The following SCEL variants were observed in gnomAD, a reference collection of about 807,000 sequenced individuals.
The protein encoded by SCEL is sciellin.
SCEL carries 113 observed loss-of-function variants against 117.6 expected under a neutral mutation model. That is an observed-to-expected ratio of 0.96 (90% CI 0.83 to 1.12). SCEL has a LOEUF of 1.12. SCEL is among the 50% of genes most tolerant of loss of function. SCEL has a pLI of 0.00. For synonymous variants in SCEL, 270 were observed against 256.2 expected (o/e 1.05, Z -0.51); for missense variants, 785 against 810.8 (o/e 0.97, Z 0.39).
intron 1 of SCEL, among the ~76,000 whole-genome samples, chr13:77,550,876 C>A (rs572940890): frequency 6.6e-6 from 1 of 152,190 alleles, no homozygotes; most frequent in Non-Finnish European, 1.5e-5. Flanking sequence ...TTGGGGAATA[C>A]ACAGAGAAGG....
intron 8 of SCEL, among the ~76,000 whole-genome samples, chr13:77,570,915 C>T (rs2085565334): frequency 6.6e-6 from 1 of 151,812 alleles, no homozygotes. Context: ...TCACTGCAAC[C>T]TCTGCCTCCC....
chr13:77,612,619 C>T (rs1387682290), intron 22 of SCEL, among the ~76,000 whole-genome samples: 1 of 151,356 alleles, frequency 6.6e-6, no homozygotes, highest in Non-Finnish European at 1.5e-5. Context: ...TTCTGCCACA[C>T]AGATAAAGTA....
At chr13:77,558,808 ACT>A (rs1412258235) in intron 3 of SCEL, among the ~76,000 whole-genome samples, 1 of 120,312 alleles carries the variant, frequency 8.3e-6, no homozygotes, top group Non-Finnish European at 1.7e-5. Flanking sequence ...ACAGAGCAAG[ACT>A]CTGTCTTACA....
At chr13:77,588,958 T>C (rs2086714575) in intron 9 of SCEL, among the ~76,000 whole-genome samples, 186 bp from the exon 10 acceptor site, 1 of 152,212 alleles carries the variant, frequency 6.6e-6, no homozygotes, top group Admixed American at 6.5e-5. Flanking sequence ...AAAATACACA[T>C]ATTTTCAATA....
At chr13:77,604,271 C>A in intron 18 of SCEL, 85 bp from the exon 19 acceptor site, 2 of 783,776 alleles carry the variant, frequency 2.6e-6, no homozygotes, top group South Asian at 2.0e-5. Context: ...GTATATTTAC[C>A]ACTTCTTAAT....
chr13:77,608,018 G>A lies in SCEL; in HGVS notation c.1158-38G>A, dbSNP rs367868370. 39 of 1,487,876 alleles carry A rather than the reference G, an allele frequency of 2.6e-5. No individual in the cohort carries two copies. The African/African-American group carries it at 3.3e-4, about 13-fold the overall frequency. 92.2% of individuals were successfully genotyped at this position (1,487,876 alleles called of 1,614,324 possible). On this transcript the variant is annotated intron_variant, in intron 19 of 32. Coordinates refer to ENST00000349847, the MANE Select transcript of SCEL (RefSeq NM_144777.3). ...CTTGTTGTCAGTCTACCATTGTTACGTGTTGTCAATCTTAACCATTTCTTC... is the reference window on the plus strand; with the variant it reads ...CTTGTTGTCAGTCTACCATTGTTACATGTTGTCAATCTTAACCATTTCTTC...
At chr13:77,637,375 CAT>C (rs1222784099) in intron 30 of SCEL, among the ~76,000 whole-genome samples, 181 bp downstream of exon 30, 1 of 130,142 alleles carries the variant, frequency 7.7e-6, no homozygotes, top group South Asian at 2.4e-4. Context: ...CATATATAAA[CAT>C]ATATACATAT....
rs769516615 is a variant in SCEL, at chr13:77,610,133, TC to T, written c.1337+33del. 1,863 of 1,524,788 alleles carry T rather than the reference TC, an allele frequency of 1.2e-3. 2 individuals carry two copies. The highest frequency in any genetic ancestry group is 1.6e-3 in the Non-Finnish European group (1,770 of 1,117,168). The allele number at this position is 1,524,788 out of a possible 1,614,324, so 94.5% of individuals were successfully genotyped here. A position where few individuals can be genotyped will look rare whatever the true frequency, so the allele number is the denominator to read the frequency against. On this transcript the variant is annotated intron_variant, in intron 22 of 32. Coordinates refer to ENST00000349847, the MANE Select transcript of SCEL (RefSeq NM_144777.3). ...TAAGGTTTATGGAACTCTCTATTTC[TC>T]CCCCCTTTTTTTTTCCTAATGAGCT...
chr13:77,634,482 C>T, intron 29 of SCEL, 32 bp downstream of exon 29: 1 of 1,478,486 alleles, frequency 6.8e-7, no homozygotes, highest in Non-Finnish European at 9.4e-7. Flanking sequence ...TATATTGCTT[C>T]ATTTTATAAT....
chr13:77,559,040 G>A (rs749594867), intron 3 of SCEL, among the ~76,000 whole-genome samples: 3 of 152,048 alleles, frequency 2.0e-5, no homozygotes, highest in Non-Finnish European at 2.9e-5. Context: ...ATATTACTTT[G>A]AGATTTTACA....
At chr13:77,606,080 G>A (rs976119037) in intron 19 of SCEL, among the ~76,000 whole-genome samples, 11 of 152,188 alleles carry the variant, frequency 7.2e-5, no homozygotes, top group African/African-American at 2.7e-4. Context: ...GTGTATGCAT[G>A]CATACAAATG....
chr13:77,543,368 C>G (rs1397209179), intron 1 of SCEL, among the ~76,000 whole-genome samples: 1 of 152,180 alleles, frequency 6.6e-6, no homozygotes, highest in South Asian at 2.1e-4. Context: ...CAGGCGTGAG[C>G]CACCGCGCCC....
Position 77,642,344 on chromosome 13 carries a change from C to G in SCEL, c.1948-362C>G, listed in dbSNP as rs553031394. 1.9e-4 allele frequency among the ~76,000 whole-genome samples: 29 copies of G among 152,296 alleles called. No individual in the cohort carries two copies. The South Asian group carries it at 4.8e-3, about 25-fold the overall frequency. ...GACAGGTCTGAAGCAGCGGTCAGCCCTTTCCTACTTCTAACCAGCACAACT... is the reference window on the plus strand; with the variant it reads ...GACAGGTCTGAAGCAGCGGTCAGCCGTTTCCTACTTCTAACCAGCACAACT... On this transcript the variant is annotated intron_variant, in intron 31 of 32. Coordinates refer to ENST00000349847, the MANE Select transcript of SCEL (RefSeq NM_144777.3).
At chr13:77,573,748 T>A (rs189627299) in intron 9 of SCEL, among the ~76,000 whole-genome samples, 45 of 152,284 alleles carry the variant, frequency 3.0e-4, no homozygotes, top group Admixed American at 1.3e-4. Context: ...ATCAAATTAC[T>A]GAACATGTTG....
At chr13:77,586,087 G>T (rs891658418) in intron 9 of SCEL, among the ~76,000 whole-genome samples, 1 of 152,002 alleles carries the variant, frequency 6.6e-6, no homozygotes, top group Admixed American at 6.6e-5. Flanking sequence ...GTCATCTGAA[G>T]GTCTCTGAGA....
chr13:77,644,408 A>T lies in SCEL; in HGVS notation c.*134A>T. 1.2e-6 allele frequency: 1 copy of T among 839,704 alleles called. No homozygotes were observed. Among genetic ancestry groups the T allele is most frequent in the Non-Finnish European group, 1.9e-6 (1 of 527,006 alleles). The allele number at this position is 839,704 out of a possible 1,614,324, so 52.0% of individuals were successfully genotyped here. Reference sequence around the variant, plus strand: ...CTTGTACAAAATTAACAATTCTGTTATTGCATAAGTAATCTAATTGTCTTC... The same window carrying T: ...CTTGTACAAAATTAACAATTCTGTTTTTGCATAAGTAATCTAATTGTCTTC... On this transcript the variant is annotated 3_prime_UTR_variant, in exon 33 of 33. Coordinates refer to ENST00000349847, the MANE Select transcript of SCEL (RefSeq NM_144777.3).
intron 3 of SCEL, among the ~76,000 whole-genome samples, 200 bp downstream of exon 3, chr13:77,556,913 CA>C (rs2084693087): frequency 6.6e-6 from 1 of 152,106 alleles, no homozygotes; most frequent in Non-Finnish European, 1.5e-5. Context: ...TTTAAATATC[CA>C]CATGCATAAG....
chr13:77,567,491 C>T (rs2085353896), intron 5 of SCEL, among the ~76,000 whole-genome samples, 189 bp from the exon 6 acceptor site: 1 of 152,100 alleles, frequency 6.6e-6, no homozygotes, highest in Non-Finnish European at 1.5e-5. Context: ...ATTAAAACAA[C>T]CTCATAAGTA....
intron 3 of SCEL, among the ~76,000 whole-genome samples, chr13:77,558,906 T>C: frequency 6.6e-6 from 1 of 151,912 alleles, no homozygotes; most frequent in Non-Finnish European, 1.5e-5. Context: ...TCAGGTTTTG[T>C]TGGGTTGACA....
Sources: allele counts gnomAD v4.1 joint callset (sites outside exome capture counted in the v4.1 genomes callset), GRCh38; gene constraint gnomAD v4.1.1; transcripts MANE v1.5; gene names NCBI Gene and HGNC (gene_info 2026-07-23, HGNC 2026-07-21).